ABHD6: variants seen among roughly 807,000 people sequenced by gnomAD.
ABHD6 encodes abhydrolase domain containing 6, acylglycerol lipase, also known as monoacylglycerol lipase ABHD6.
In ABHD6, 33 loss-of-function variants were observed where a neutral mutation model predicts 38.8. The ratio of observed to expected loss-of-function variants is 0.85; its 90% CI spans 0.64 to 1.14. ABHD6 has a LOEUF of 1.14. ABHD6 is among the 50% of genes most tolerant of loss of function. The probability of loss-of-function intolerance (pLI) is 0.00; values close to 1 mark genes in which losing one functional copy is unlikely to be tolerated. For synonymous variants in ABHD6, 147 were observed against 161.6 expected (o/e 0.91, Z 0.69); for missense variants, 380 against 422.6 (o/e 0.90, Z 0.88).
Position 58,285,381 on chromosome 3 carries a change from C to G in ABHD6, c.765C>G (p.Ser255=), listed in dbSNP as rs1232515155. Residue 255 remains serine (S), a synonymous_variant, in exon 9 of 10, where the codon TCC becomes TCG. Transcript: ENST00000478253. The surrounding 1 kb of genome is among the most constrained non-coding windows in gnomAD (Gnocchi z 4.9). Reference sequence around the variant, plus strand: ...TTTTGGAAATCGTCAGTGAGAAGTCCAGATACTCTCTCCATCAGAACATGG... The same window carrying G: ...TTTTGGAAATCGTCAGTGAGAAGTCGAGATACTCTCTCCATCAGAACATGG... ...KLFLEIVSEK[S]RYSLHQNMDK... is the part of the protein sequence containing the mutation. 1 of 1,614,138 alleles carries G rather than the reference C, an allele frequency of 6.2e-7. No individual in the cohort carries two copies. Among genetic ancestry groups the G allele is most frequent in the South Asian group, 1.1e-5 (1 of 91,080 alleles).
intron 9 of ABHD6, among the ~76,000 whole-genome samples, chr3:58,286,817 CATAT>C (rs1421468065): frequency 2.7e-5 from 2 of 72,972 alleles, no homozygotes; most frequent in South Asian, 5.6e-4. Context: ...TATATAAGAT[CATAT>C]ATGTGTGTGT....
intron 9 of ABHD6, among the ~76,000 whole-genome samples, chr3:58,290,276 C>A (rs1408926176): frequency 7.5e-6 from 1 of 133,664 alleles, no homozygotes; most frequent in Non-Finnish European, 1.6e-5. Flanking sequence ...CCAGACGGGG[C>A]GGCTGGCCGG....
intron 9 of ABHD6, among the ~76,000 whole-genome samples, chr3:58,286,842 G>GCATATATATA (rs1264959604): frequency 5.5e-5 from 2 of 36,414 alleles, no homozygotes; most frequent in South Asian, 1.4e-3. Flanking sequence ...GTGTGTGTGT[G>GCATATATATA]TGTGTGTGTG....
At chr3:58,258,606 G>T in intron 3 of ABHD6, 1 of 260,736 alleles carries the variant, frequency 3.8e-6, no homozygotes, top group South Asian at 3.5e-5. Flanking sequence ...AATAGACCTG[G>T]TTCCTCTCTG....
chr3:58,286,556 T>C (rs1190628190), intron 9 of ABHD6, among the ~76,000 whole-genome samples: 1 of 152,042 alleles, frequency 6.6e-6, no homozygotes, highest in South Asian at 2.1e-4. Flanking sequence ...CTGGACACAG[T>C]TGAGTAACTG....
rs533911333 is a variant in ABHD6, at chr3:58,251,085, C to T, written c.-26+1143C>T. Among the ~76,000 whole-genome samples the T allele has an allele frequency of 7.3e-4, 110 of 151,556 alleles. No individual in the cohort carries two copies. Among genetic ancestry groups the T allele is most frequent in the Non-Finnish European group, 1.2e-3 (81 of 67,964 alleles). ...CTGTAATCCCAGCACTTTGGGAGGC[C>T]GAGGCGGGGGGGATCACCTGAGGTC... On this transcript the variant is annotated intron_variant, in intron 2 of 9. Coordinates refer to ENST00000478253, the MANE Select transcript of ABHD6 (RefSeq NM_001320126.2). The surrounding 1 kb of genome is among the most constrained non-coding windows in gnomAD (Gnocchi z 5.4).
At chr3:58,246,810 G>A (rs910686605) in intron 1 of ABHD6, among the ~76,000 whole-genome samples, 2 of 152,202 alleles carry the variant, frequency 1.3e-5, no homozygotes, top group Non-Finnish European at 2.9e-5. Flanking sequence ...CTACCTTAGA[G>A]TACTGGACTT....
At position 58,284,748 on chromosome 3, in the gene ABHD6, G is replaced by C. The variant is rs1209578380; in HGVS notation, c.682-337G>C. Among the ~76,000 whole-genome samples the C allele has an allele frequency of 3.3e-5, 5 of 152,190 alleles. No homozygotes were observed. In the East Asian group the frequency reaches 9.6e-4, roughly 29 times the overall value. ...TTACAGGCATGAGCCACCATGCCCGGCCCATCCTGATTATGTCTTAAGTGA... is the reference window on the plus strand; with the variant it reads ...TTACAGGCATGAGCCACCATGCCCGCCCCATCCTGATTATGTCTTAAGTGA... On this transcript the variant is annotated intron_variant, in intron 7 of 9. Coordinates refer to ENST00000478253, the MANE Select transcript of ABHD6 (RefSeq NM_001320126.2).
intron 7 of ABHD6, among the ~76,000 whole-genome samples, chr3:58,278,594 A>G (rs902637507): frequency 6.6e-6 from 1 of 152,002 alleles, no homozygotes. Context: ...TTGTGTCTCT[A>G]TCTCTTTCAG....
intron 3 of ABHD6, chr3:58,258,421 T>C (rs1054231784): frequency 2.3e-6 from 1 of 427,620 alleles, no homozygotes; most frequent in Non-Finnish European, 4.8e-6. Flanking sequence ...GCGTGAAAGA[T>C]GTAGCAGCCC....
At chr3:58,255,936 C>A (rs1347345030) in intron 2 of ABHD6, among the ~76,000 whole-genome samples, 1 of 152,180 alleles carries the variant, frequency 6.6e-6, no homozygotes, top group East Asian at 1.9e-4. Context: ...TGAGCCACTG[C>A]ACCTGTCTCC....
intron 7 of ABHD6, among the ~76,000 whole-genome samples, chr3:58,283,458 C>T (rs1049975358): frequency 6.6e-6 from 1 of 152,212 alleles, no homozygotes; most frequent in Non-Finnish European, 1.5e-5. Context: ...TCTTAATTGG[C>T]TGTTCTATCC....
At chr3:58,278,758 A>C in intron 7 of ABHD6, among the ~76,000 whole-genome samples, 1 of 152,164 alleles carries the variant, frequency 6.6e-6, no homozygotes, top group Non-Finnish European at 1.5e-5. Flanking sequence ...ATTTCCCTCT[A>C]CACACTGCTT....
chr3:58,280,484 A>G (rs1317384654), intron 7 of ABHD6, among the ~76,000 whole-genome samples: 2 of 152,042 alleles, frequency 1.3e-5, no homozygotes, highest in African/African-American at 4.8e-5. Context: ...CTAGTTAGCC[A>G]TTTGTCTAAC....
At chr3:58,270,416 A>G (rs538368452) in intron 5 of ABHD6, among the ~76,000 whole-genome samples, 1 of 150,728 alleles carries the variant, frequency 6.6e-6, no homozygotes, top group South Asian at 2.1e-4. Context: ...AACAGATCAT[A>G]TGGCTCTCAA....
At chr3:58,264,446 T>G (rs9861955) in intron 3 of ABHD6, among the ~76,000 whole-genome samples, 1 of 91,116 alleles carries the variant, frequency 1.1e-5, no homozygotes, top group East Asian at 2.2e-4. Context: ...CACACACACA[T>G]ATGCCAGGTG....
In ABHD6 at chr3:58,239,335, T is replaced by A. The variant is rs566006165; in HGVS notation, c.-91+1419T>A. 6.6e-5 allele frequency among the ~76,000 whole-genome samples: 10 copies of A among 152,220 alleles called. 1 individual carries two copies. The East Asian group carries it at 1.9e-3, about 29-fold the overall frequency. On this transcript the variant is annotated intron_variant, in intron 1 of 9. Coordinates refer to ENST00000478253, the MANE Select transcript of ABHD6 (RefSeq NM_001320126.2). ...TAGTGGCAATATTTAGATAAAATAA[T>A]GCACAGGGCCCAGCATGTTTTAAGC...
At position 58,274,525 on chromosome 3, in the gene ABHD6, C is replaced by T. The variant is rs1036254371; in HGVS notation, c.524-133C>T. On this transcript the variant is annotated intron_variant, in intron 6 of 9. Coordinates refer to ENST00000478253, the MANE Select transcript of ABHD6 (RefSeq NM_001320126.2). ...ATTTGAGCAAGGATGGCAGTACCAA[C>T]AAAAAAGAAATCTACTCATGAAATA... The T allele has an allele frequency of 3.1e-6, 3 of 973,224 alleles. No homozygotes were observed. In the African/African-American group the frequency reaches 5.0e-5, roughly 16 times the overall value. The allele number at this position is 973,224 out of a possible 1,614,324, so 60.3% of individuals were successfully genotyped here.
At chr3:58,240,824 G>A (rs1286938639) in intron 1 of ABHD6, among the ~76,000 whole-genome samples, 1 of 149,552 alleles carries the variant, frequency 6.7e-6, no homozygotes, top group Non-Finnish European at 1.5e-5. Flanking sequence ...TCCGCCTCCC[G>A]GGTTCAAGCA....
Sources: allele counts gnomAD v4.1 joint callset (sites outside exome capture counted in the v4.1 genomes callset), GRCh38; gene constraint gnomAD v4.1.1; non-coding constraint Gnocchi (gnomAD v3.1); transcripts MANE v1.5; gene names NCBI Gene and HGNC (gene_info 2026-07-23, HGNC 2026-07-21).